The following GPC5 variants were observed in gnomAD, a reference collection of about 807,000 sequenced individuals.
GPC5 encodes glypican 5.
A neutral mutation model predicts 53.9 loss-of-function variants in GPC5; 47 were observed. The ratio of observed to expected loss-of-function variants is 0.87; its 90% CI spans 0.69 to 1.11. GPC5 has a LOEUF of 1.11. Among genes scored for constraint, GPC5 ranks in the 50% most tolerant of loss-of-function variants. GPC5 has a pLI of 0.00. For synonymous variants in GPC5, 286 were observed against 263.3 expected (o/e 1.09, Z -0.84); for missense variants, 748 against 713.1 (o/e 1.05, Z -0.56).
chr13:91,504,474 C>T (rs1028838230), intron 2 of GPC5, among the ~76,000 whole-genome samples: 6 of 151,758 alleles, frequency 4.0e-5, no homozygotes, highest in African/African-American at 1.5e-4. Flanking sequence ...ATAAAGCCTA[C>T]AAAATCAAAT....
intron 7 of GPC5, among the ~76,000 whole-genome samples, chr13:92,607,424 A>G (rs775145646): frequency 5.3e-5 from 8 of 152,162 alleles, no homozygotes; most frequent in East Asian, 1.9e-4. Flanking sequence ...TTTGTTTAAC[A>G]TATTGCCTAT....
At chr13:91,854,267 A>G (rs1160612158) in intron 5 of GPC5, among the ~76,000 whole-genome samples, 1 of 151,852 alleles carries the variant, frequency 6.6e-6, no homozygotes, top group African/African-American at 2.4e-5. Flanking sequence ...TTTTGTGGGT[A>G]CATAATAGGT....
chr13:92,838,962 A>G (rs1188860474), intron 7 of GPC5, among the ~76,000 whole-genome samples: 1 of 152,230 alleles, frequency 6.6e-6, no homozygotes. Context: ...TTCTGTCACT[A>G]TCACTTTCAC....
intron 2 of GPC5, among the ~76,000 whole-genome samples, chr13:91,636,829 G>A (rs370572444): frequency 1.8e-4 from 28 of 152,190 alleles, no homozygotes; most frequent in East Asian, 1.7e-3. Context: ...ATGGTGGTGC[G>A]TGCCTGTAGA....
chr13:92,656,601 C>T (rs1468169205), intron 7 of GPC5, among the ~76,000 whole-genome samples: 1 of 152,160 alleles, frequency 6.6e-6, no homozygotes. Flanking sequence ...CACAAACATG[C>T]TTTTCTATTC....
At position 91,723,249 on chromosome 13, in the gene GPC5, C is replaced by T. The variant is rs182749264; in HGVS notation, c.1021-5283C>T. On this transcript the variant is annotated intron_variant, in intron 3 of 7. Coordinates refer to ENST00000377067, the MANE Select transcript of GPC5 (RefSeq NM_004466.6). ...CTCCTCCTTTTTTGTGGGGTGGGGA[C>T]AGTATATTATACGAGTTCTCTTTCT... Among the ~76,000 whole-genome samples, 164 of 151,744 alleles carry T rather than the reference C, an allele frequency of 1.1e-3. 1 individual carries two copies. The highest frequency in any genetic ancestry group is 3.8e-3 in the African/African-American group (159 of 41,386).
chr13:91,434,375 T>C (rs1302567672), intron 1 of GPC5, among the ~76,000 whole-genome samples: 1 of 152,128 alleles, frequency 6.6e-6, no homozygotes, highest in East Asian at 1.9e-4. Flanking sequence ...AATTAATTTT[T>C]GTATAAGGTG....
At chr13:91,882,526 AT>A (rs1255350809) in intron 5 of GPC5, among the ~76,000 whole-genome samples, 1 of 151,674 alleles carries the variant, frequency 6.6e-6, no homozygotes, top group African/African-American at 2.4e-5. Flanking sequence ...ATAGTCTTTG[AT>A]TTTTACTTTA....
intron 2 of GPC5, among the ~76,000 whole-genome samples, chr13:91,556,536 A>G (rs2030959772): frequency 6.6e-6 from 1 of 151,288 alleles, no homozygotes; most frequent in Non-Finnish European, 1.5e-5. Flanking sequence ...ATATATATAT[A>G]TAAAATGTGT....
chr13:91,616,997 G>T (rs529797762), intron 2 of GPC5, among the ~76,000 whole-genome samples: 2 of 152,120 alleles, frequency 1.3e-5, no homozygotes, highest in South Asian at 4.1e-4. Flanking sequence ...TTCACAAGAG[G>T]TTTTTGTTAA....
At chr13:92,364,062 G>A (rs939475059) in intron 7 of GPC5, among the ~76,000 whole-genome samples, 11 of 151,638 alleles carry the variant, frequency 7.3e-5, no homozygotes, top group Admixed American at 2.0e-4. Context: ...ATATAAATTG[G>A]TAAATTGAAA....
intron 7 of GPC5, among the ~76,000 whole-genome samples, chr13:92,777,605 G>A (rs367761707): frequency 1.3e-5 from 2 of 151,842 alleles, no homozygotes; most frequent in African/African-American, 2.4e-5. Flanking sequence ...GCAATAGAGC[G>A]AGACTCCGTC....
rs144204951 is a variant in GPC5, at chr13:91,993,087, C to A, written c.1401+85030C>A. Among the ~76,000 whole-genome samples the A allele has an allele frequency of 2.3e-3, 348 of 152,268 alleles. 2 individuals are homozygous for A. The highest frequency in any genetic ancestry group is 8.0e-3 in the African/African-American group (332 of 41,538). ...TAAAATAACTGGCGTTGATTATTTG[C>A]ACTCTCTCTGAGACAGACACATATT... On this transcript the variant is annotated intron_variant, in intron 6 of 7. Transcript: ENST00000377067.
At chr13:92,777,102 C>T (rs1260822089) in intron 7 of GPC5, among the ~76,000 whole-genome samples, 3 of 145,454 alleles carry the variant, frequency 2.1e-5, no homozygotes, top group Non-Finnish European at 3.0e-5. Context: ...GAGGCCAAGG[C>T]GGGTAGATCA....
intron 7 of GPC5, among the ~76,000 whole-genome samples, chr13:92,661,406 A>T (rs534583905): frequency 6.6e-6 from 1 of 152,224 alleles, no homozygotes; most frequent in Non-Finnish European, 1.5e-5. Flanking sequence ...AATTATACAC[A>T]CTAAATGAGA....
chr13:91,807,754 C>G (rs557235533), intron 5 of GPC5, among the ~76,000 whole-genome samples: 2 of 152,076 alleles, frequency 1.3e-5, no homozygotes, highest in African/African-American at 4.8e-5. Flanking sequence ...GGTGTAAATG[C>G]AGGTCAATCA....
intron 7 of GPC5, among the ~76,000 whole-genome samples, chr13:92,634,217 T>C (rs900589485): frequency 2.6e-5 from 4 of 152,116 alleles, no homozygotes; most frequent in African/African-American, 4.8e-5. Flanking sequence ...TACAATGTCA[T>C]GCTGACTTCA....
intron 2 of GPC5, among the ~76,000 whole-genome samples, chr13:91,456,289 A>T (rs929861547): frequency 2.6e-5 from 4 of 152,074 alleles, no homozygotes; most frequent in African/African-American, 9.7e-5. Context: ...GACAAAGTGT[A>T]TAATCTTTTT....
intron 2 of GPC5, among the ~76,000 whole-genome samples, chr13:91,545,577 A>G (rs1468027508): frequency 1.3e-5 from 2 of 152,088 alleles, no homozygotes; most frequent in African/African-American, 4.8e-5. Context: ...CTACCCTTTT[A>G]TCATATTTTA....
Sources: allele counts gnomAD v4.1 joint callset (sites outside exome capture counted in the v4.1 genomes callset), GRCh38; gene constraint gnomAD v4.1.1; transcripts MANE v1.5; gene names NCBI Gene and HGNC (gene_info 2026-07-23, HGNC 2026-07-21).